Variants in AGBL1 observed in about 807,000 individuals in gnomAD.
The protein encoded by AGBL1 is AGBL carboxypeptidase 1.
In AGBL1, 130 loss-of-function variants were observed where a neutral mutation model predicts 118.9. That is an observed-to-expected ratio of 1.09 (90% CI 0.95 to 1.26). AGBL1 has a LOEUF of 1.26. Among genes scored for constraint, AGBL1 ranks in the 50% most tolerant of loss-of-function variants. The pLI, the probability that AGBL1 is intolerant of heterozygous loss-of-function variation, is 0.00. For missense variants in AGBL1, 1,584 were observed against 1,298.1 expected (o/e 1.22, Z -3.38); for synonymous variants, 555 against 478.9 (o/e 1.16, Z -2.08).
intron 21 of AGBL1, among the ~76,000 whole-genome samples, chr15:86,608,620 G>A (rs2437799): frequency 0.49 from 74,938 of 151,812 alleles, 18,660 homozygotes; most frequent in East Asian, 0.73. Flanking sequence ...ATGATGCTGA[G>A]CTGCAGGATT....
chr15:86,636,702 CATATATATATATATATATAT>C (rs1157674222), intron 21 of AGBL1, among the ~76,000 whole-genome samples: 1,707 of 26,726 alleles, frequency 0.064, 100 homozygotes, highest in Middle Eastern at 0.12. Context: ...AACCACCAGT[CATATATATATATATATATAT>C]ATATATATAT....
chr15:86,323,922 G>A (rs1272131665), intron 17 of AGBL1, among the ~76,000 whole-genome samples: 1 of 152,164 alleles, frequency 6.6e-6, no homozygotes, highest in Non-Finnish European at 1.5e-5. Context: ...TGGAAAGGAT[G>A]TAATTTACCA....
chr15:86,239,892 T>C (rs1318685647), intron 6 of AGBL1, among the ~76,000 whole-genome samples: 1 of 152,218 alleles, frequency 6.6e-6, no homozygotes, highest in Admixed American at 6.5e-5. Context: ...ATGATGAATA[T>C]GTTTATTAGC....
At chr15:86,466,397 C>G (rs565773958) in intron 18 of AGBL1, among the ~76,000 whole-genome samples, 17 of 152,284 alleles carry the variant, frequency 1.1e-4, no homozygotes, top group African/African-American at 4.1e-4. Flanking sequence ...TTCCTCTAAC[C>G]TTTTATCAAG....
chr15:86,956,178 C>T (rs1335196103), intron 23 of AGBL1, among the ~76,000 whole-genome samples: 2 of 150,182 alleles, frequency 1.3e-5, no homozygotes, highest in African/African-American at 4.9e-5. Context: ...GAAACAGAAC[C>T]GGTAGGATTT....
chr15:86,940,919 A>G (rs1323006043), intron 23 of AGBL1, among the ~76,000 whole-genome samples: 2 of 152,190 alleles, frequency 1.3e-5, no homozygotes, highest in Non-Finnish European at 2.9e-5. Flanking sequence ...CTCTGCCTAT[A>G]AAACCAATGT....
chr15:86,670,129 T>G (rs1255618780), intron 21 of AGBL1, among the ~76,000 whole-genome samples: 2 of 152,142 alleles, frequency 1.3e-5, no homozygotes, highest in Non-Finnish European at 2.9e-5. Flanking sequence ...TAATATACAT[T>G]TTTATGCCTA....
intron 18 of AGBL1, among the ~76,000 whole-genome samples, chr15:86,413,925 C>T (rs1013836799): frequency 6.6e-6 from 1 of 152,168 alleles, no homozygotes; most frequent in Non-Finnish European, 1.5e-5. Flanking sequence ...ATCAACCTAA[C>T]TGTCCATCAA....
chr15:86,399,249 T>G (rs538301469), intron 18 of AGBL1, among the ~76,000 whole-genome samples: 129 of 152,182 alleles, frequency 8.5e-4, no homozygotes, highest in Non-Finnish European at 1.6e-3. Context: ...GTTCCTTTAA[T>G]GGCAGAGAAC....
chr15:86,231,274 C>T (rs2078451006), intron 6 of AGBL1, among the ~76,000 whole-genome samples: 1 of 152,166 alleles, frequency 6.6e-6, no homozygotes, highest in Non-Finnish European at 1.5e-5. Flanking sequence ...TTAATGTTGA[C>T]TAAGAAAGAA....
intron 23 of AGBL1, among the ~76,000 whole-genome samples, chr15:86,950,380 G>C (rs2080867222): frequency 6.6e-6 from 1 of 150,750 alleles, no homozygotes; most frequent in African/African-American, 2.4e-5. Context: ...TAGATTCATA[G>C]AATTCAACCA....
chr15:86,256,934 C>G lies in AGBL1; in HGVS notation c.817C>G (p.Leu273Val), dbSNP rs200765292. 488 of 1,613,996 alleles carry G rather than the reference C, an allele frequency of 3.0e-4. 4 individuals carry two copies. In the Middle Eastern group the frequency reaches 3.3e-3, roughly 11 times the overall value. Residue 273 changes from leucine (L) to valine (V), a missense_variant, in exon 8 of 23, where the codon CTT becomes GTT. Transcript: ENST00000614907. ...GAGGCAGTGCTACCCTACGAGTCCACTTCCCTTGGTCACAGCCAGCAGTGC... is the reference window on the plus strand; with the variant it reads ...GAGGCAGTGCTACCCTACGAGTCCAGTTCCCTTGGTCACAGCCAGCAGTGC... ...ILRQCYPTSP[L>V]PLVTASSAYA...
chr15:86,147,726 C>A (rs993718206), intron 3 of AGBL1, among the ~76,000 whole-genome samples: 13 of 152,216 alleles, frequency 8.5e-5, no homozygotes, highest in African/African-American at 3.1e-4. Flanking sequence ...CTTAAACATC[C>A]CTGTCTGACA....
At chr15:86,524,527 G>A (rs2083235467) in intron 19 of AGBL1, among the ~76,000 whole-genome samples, 3 of 152,160 alleles carry the variant, frequency 2.0e-5, no homozygotes, top group Admixed American at 2.0e-4. Context: ...ACTTAGCTCT[G>A]GTGTCCAGGG....
At chr15:86,538,106 T>C (rs1567046196) in intron 19 of AGBL1, among the ~76,000 whole-genome samples, 1 of 152,122 alleles carries the variant, frequency 6.6e-6, no homozygotes, top group South Asian at 2.1e-4. Context: ...TCATGAGCAG[T>C]TGGTTATTGA....
intron 23 of AGBL1, among the ~76,000 whole-genome samples, chr15:86,978,975 G>C (rs1010492953): frequency 6.6e-6 from 1 of 152,170 alleles, no homozygotes; most frequent in African/African-American, 2.4e-5. Context: ...AACTGAAGGA[G>C]ATATTAACAT....
chr15:86,694,429 T>A (rs1018501243), intron 22 of AGBL1, among the ~76,000 whole-genome samples: 2 of 152,146 alleles, frequency 1.3e-5, no homozygotes, highest in African/African-American at 4.8e-5. Flanking sequence ...AGCTACTGAT[T>A]TGTGTACATT....
chr15:87,012,557 AATG>A (rs2081572282), intron 24 of AGBL1, among the ~76,000 whole-genome samples: 1 of 152,106 alleles, frequency 6.6e-6, no homozygotes, highest in Admixed American at 6.6e-5. Flanking sequence ...ATGGAAACAG[AATG>A]ATGGGGAATT....
intron 15 of AGBL1, among the ~76,000 whole-genome samples, chr15:86,276,913 A>G (rs936905426): frequency 1.3e-5 from 2 of 152,174 alleles, no homozygotes; most frequent in Non-Finnish European, 2.9e-5. Flanking sequence ...TTAGAGATTT[A>G]TCAAACATTT....
Sources: gnomAD v4.1 joint callset for allele counts (sites outside exome capture counted in the v4.1 genomes callset) on GRCh38, gnomAD v4.1.1 for gene constraint, MANE v1.5 for transcripts, NCBI Gene and HGNC (gene_info 2026-07-23, HGNC 2026-07-21) for gene names.